Variants in CSMD3 observed in about 807,000 individuals in gnomAD.
The protein encoded by CSMD3 is CUB and sushi domain-containing protein 3.
CSMD3 carries 177 observed loss-of-function variants against 435.2 expected under a neutral mutation model. The ratio of observed to expected loss-of-function variants is 0.41; its 90% CI spans 0.36 to 0.46. The LOEUF (loss-of-function observed/expected upper bound fraction) is 0.46, where lower values mean the gene tolerates loss of function less well. CSMD3 is among the 20% of genes least tolerant of loss of function. The probability of loss-of-function intolerance (pLI) is 0.34; values close to 1 mark genes in which losing one functional copy is unlikely to be tolerated. For synonymous variants in CSMD3, 1,656 were observed against 1,520.5 expected (o/e 1.09, Z -2.07); for missense variants, 4,265 against 4,504.6 (o/e 0.95, Z 1.52).
intron 16 of CSMD3, among the ~76,000 whole-genome samples, chr8:112,670,457 A>G (rs955016443): frequency 2.6e-5 from 4 of 152,202 alleles, no homozygotes; most frequent in Non-Finnish European, 4.4e-5. Flanking sequence ...ACTTTCATGT[A>G]AAATGGATTG....
chr8:113,324,506 T>C (rs932008080), intron 1 of CSMD3, among the ~76,000 whole-genome samples: 1 of 151,858 alleles, frequency 6.6e-6, no homozygotes, highest in Admixed American at 6.6e-5. Flanking sequence ...AGCCTGAGAG[T>C]GCACAGAAGT....
rs1447536965 is a variant in CSMD3 at position 112,714,450 on chromosome 8, G to A, written c.1973-24400C>T. 3.5e-4 allele frequency among the ~76,000 whole-genome samples: 54 copies of A among 152,122 alleles called. 1 individual carries two copies. ...ACAAGTTCTTAGAGACCTACAAAGA[G>A]ACTTAGACTCCCACACAATAATAGT... On this transcript the variant is annotated intron_variant, in intron 13 of 70. Transcript: ENST00000297405.
chr8:113,377,139 G>A (rs2094390596), intron 1 of CSMD3: 1 of 1,253,588 alleles, frequency 8.0e-7, no homozygotes, highest in Middle Eastern at 3.5e-4. Flanking sequence ...GTCCTCCAAA[G>A]GGCCGAGGGG....
intron 4 of CSMD3, among the ~76,000 whole-genome samples, chr8:113,101,525 T>A (rs1007336616): frequency 2.6e-5 from 4 of 152,010 alleles, no homozygotes; most frequent in Admixed American, 2.6e-4. Context: ...CTCTACATGA[T>A]CTCTTTGAAT....
intron 30 of CSMD3, among the ~76,000 whole-genome samples, chr8:112,500,058 G>A (rs1184419743): frequency 2.6e-5 from 4 of 152,068 alleles, no homozygotes; most frequent in African/African-American, 7.2e-5. Context: ...GCGGTGAACC[G>A]GGATCGCACC....
intron 66 of CSMD3, among the ~76,000 whole-genome samples, chr8:112,239,071 C>G (rs1391385981): frequency 6.6e-6 from 1 of 152,078 alleles, no homozygotes; most frequent in Non-Finnish European, 1.5e-5. Flanking sequence ...TACTCGTACA[C>G]TGCTGAGTGT....
chr8:112,706,378 T>C (rs549279157), intron 13 of CSMD3, among the ~76,000 whole-genome samples: 1 of 152,194 alleles, frequency 6.6e-6, no homozygotes, highest in South Asian at 2.1e-4. Flanking sequence ...TGTAATTTTA[T>C]CATAAAATGT....
intron 3 of CSMD3, among the ~76,000 whole-genome samples, chr8:113,259,951 C>T (rs1199061880): frequency 2.0e-5 from 3 of 152,106 alleles, no homozygotes; most frequent in South Asian, 2.1e-4. Context: ...TGGTTTCTCC[C>T]ATGCTAATCT....
At chr8:112,673,692 GAGAACCT>G (rs2075707985) in intron 16 of CSMD3, among the ~76,000 whole-genome samples, 2 of 152,062 alleles carry the variant, frequency 1.3e-5, no homozygotes, top group South Asian at 4.1e-4. Flanking sequence ...AGATTCAAGA[GAGAACCT>G]CTTACCCTCA....
At chr8:113,406,799 T>C (rs1373626159) in intron 1 of CSMD3, among the ~76,000 whole-genome samples, 1 of 152,094 alleles carries the variant, frequency 6.6e-6, no homozygotes, top group African/African-American at 2.4e-5. Context: ...ATTAAGAGCT[T>C]ATATTTAGTA....
intron 30 of CSMD3, among the ~76,000 whole-genome samples, chr8:112,501,579 T>C (rs183989234): frequency 5.0e-4 from 76 of 152,324 alleles, no homozygotes; most frequent in Non-Finnish European, 2.2e-4. Flanking sequence ...TCTCATCCTC[T>C]GATTTTTGAG....
At chr8:113,160,112 A>G (rs1469000272) in intron 4 of CSMD3, among the ~76,000 whole-genome samples, 1 of 152,014 alleles carries the variant, frequency 6.6e-6, no homozygotes, top group African/African-American at 2.4e-5. Context: ...TGAAAACACA[A>G]ATTTATAGAA....
chr8:113,177,273 T>G, intron 3 of CSMD3, among the ~76,000 whole-genome samples: 1 of 151,708 alleles, frequency 6.6e-6, no homozygotes, highest in African/African-American at 2.4e-5. Flanking sequence ...ATGATGTTGC[T>G]TAAAATATAT....
chr8:112,367,695 T>A (rs1827911537), intron 38 of CSMD3, among the ~76,000 whole-genome samples: 1 of 152,200 alleles, frequency 6.6e-6, no homozygotes, highest in Non-Finnish European at 1.5e-5. Flanking sequence ...TTTCTTTCCT[T>A]GGGCTTATTC....
chr8:112,244,349 T>C (rs1278041040), intron 65 of CSMD3, 45 bp downstream of exon 65: 6 of 1,474,956 alleles, frequency 4.1e-6, no homozygotes, highest in Admixed American at 1.7e-5. Flanking sequence ...AGGAAAGCAA[T>C]AGTGCAATCT....
At chr8:113,060,409 G>A (rs1228980824) in intron 5 of CSMD3, among the ~76,000 whole-genome samples, 3 of 151,350 alleles carry the variant, frequency 2.0e-5, no homozygotes. Context: ...GGACATCTGG[G>A]TTGGTTCCAA....
chr8:112,668,216 A>T (rs138402505), intron 16 of CSMD3, among the ~76,000 whole-genome samples: 10 of 152,234 alleles, frequency 6.6e-5, no homozygotes, highest in African/African-American at 1.9e-4. Context: ...AGTTATGATG[A>T]CTCATAATTA....
chr8:113,292,419 A>G (rs915438289), intron 2 of CSMD3, among the ~76,000 whole-genome samples: 1 of 151,916 alleles, frequency 6.6e-6, no homozygotes, highest in African/African-American at 2.4e-5. Context: ...ATCAACAAAA[A>G]TATACATAAA....
At chr8:113,000,694 C>A (rs1306979548) in intron 6 of CSMD3, among the ~76,000 whole-genome samples, 1 of 152,018 alleles carries the variant, frequency 6.6e-6, no homozygotes, top group Non-Finnish European at 1.5e-5. Context: ...AGTGCTTAAT[C>A]TTTGGTTGTA....
Sources: allele counts gnomAD v4.1 joint callset (sites outside exome capture counted in the v4.1 genomes callset), GRCh38; gene constraint gnomAD v4.1.1; transcripts MANE v1.5; gene names NCBI Gene and HGNC (gene_info 2026-07-23, HGNC 2026-07-21).